NRXN3: variants seen among roughly 807,000 people sequenced by gnomAD.
The protein encoded by NRXN3 is neurexin 3, also known as neurexin III.
In NRXN3, 32 loss-of-function variants were observed where a neutral mutation model predicts 137.6. The observed-to-expected ratio is 0.23, with a 90% CI of 0.18 to 0.31. The LOEUF (loss-of-function observed/expected upper bound fraction) is 0.31, where lower values mean the gene tolerates loss of function less well. NRXN3 is among the 10% of genes least tolerant of loss of function. NRXN3 has a pLI of 1.00. For missense variants in NRXN3, 1,574 were observed against 2,062.5 expected, an observed-to-expected ratio of 0.76 and a Z score of 4.59; for synonymous variants, 798 against 784.5, an observed-to-expected ratio of 1.02 and a Z score of -0.29.
At chr14:78,832,336 T>A (rs2098984803) in intron 10 of NRXN3, among the ~76,000 whole-genome samples, 2 of 152,210 alleles carry the variant, frequency 1.3e-5, no homozygotes, top group Admixed American at 1.3e-4. Context: ...TTCCAGGTGT[T>A]ACTACTTAGC....
At chr14:78,464,906 C>T (rs79168980) in intron 4 of NRXN3, among the ~76,000 whole-genome samples, 11 of 152,152 alleles carry the variant, frequency 7.2e-5, no homozygotes, top group Non-Finnish European at 1.5e-4. Flanking sequence ...CTTACTTATC[C>T]ATTATCAAGG....
chr14:79,654,339 A>G (rs1443754223), intron 16 of NRXN3, among the ~76,000 whole-genome samples: 1 of 152,120 alleles, frequency 6.6e-6, no homozygotes, highest in Non-Finnish European at 1.5e-5. Flanking sequence ...TTAAAAAAAA[A>G]AACTTAAAAA....
intron 20 of NRXN3, among the ~76,000 whole-genome samples, chr14:79,814,404 T>C (rs555523097): frequency 1.3e-5 from 2 of 152,342 alleles, no homozygotes; most frequent in Non-Finnish European, 2.9e-5. Context: ...CTTTTAACCT[T>C]ACCCCTAGGG....
intron 17 of NRXN3, among the ~76,000 whole-genome samples, chr14:79,664,284 C>T (rs2098547811): frequency 6.6e-6 from 1 of 152,002 alleles, no homozygotes; most frequent in Non-Finnish European, 1.5e-5. Flanking sequence ...GAGCTAGTGT[C>T]GATAATCATA....
At chr14:79,443,295 A>C (rs920155725) in intron 15 of NRXN3, among the ~76,000 whole-genome samples, 1 of 152,188 alleles carries the variant, frequency 6.6e-6, no homozygotes, top group Non-Finnish European at 1.5e-5. Context: ...AAAAAGATAC[A>C]AACTTGTATG....
At chr14:79,568,632 T>A (rs1357119655) in intron 16 of NRXN3, among the ~76,000 whole-genome samples, 1 of 152,230 alleles carries the variant, frequency 6.6e-6, no homozygotes, top group Non-Finnish European at 1.5e-5. Flanking sequence ...AGACTCCTCC[T>A]GTGGCTTTTA....
intron 10 of NRXN3, among the ~76,000 whole-genome samples, chr14:78,892,635 T>C (rs1399968264): frequency 1.3e-5 from 2 of 151,270 alleles, no homozygotes. Context: ...TAAATCAGTC[T>C]TTTCTTCCTC....
intron 8 of NRXN3, among the ~76,000 whole-genome samples, chr14:78,800,764 T>C (rs1265894077): frequency 6.6e-6 from 1 of 152,236 alleles, no homozygotes; most frequent in Non-Finnish European, 1.5e-5. Flanking sequence ...TGACTCTTGT[T>C]TCTCCCTGTT....
intron 15 of NRXN3, among the ~76,000 whole-genome samples, chr14:79,208,176 G>T (rs897466955): frequency 6.6e-6 from 1 of 152,076 alleles, no homozygotes; most frequent in Non-Finnish European, 1.5e-5. Flanking sequence ...ATTGGAACCC[G>T]CAATTCAAAA....
intron 19 of NRXN3, among the ~76,000 whole-genome samples, chr14:79,794,655 G>A (rs574144675): frequency 1.3e-5 from 2 of 152,318 alleles, no homozygotes; most frequent in Admixed American, 6.5e-5. Flanking sequence ...ATAGAATCCG[G>A]AGAGAGGAAA....
chr14:79,713,478 G>GTA (rs76633474), intron 19 of NRXN3, among the ~76,000 whole-genome samples: 9,650 of 135,206 alleles, frequency 0.071, 540 homozygotes, highest in African/African-American at 0.17. Flanking sequence ...TATATATAAT[G>GTA]TATATATATA....
intron 2 of NRXN3, among the ~76,000 whole-genome samples, chr14:78,259,421 A>G (rs1275553363): frequency 6.6e-6 from 1 of 152,162 alleles, no homozygotes; most frequent in Non-Finnish European, 1.5e-5. Context: ...TGCTTTGGCT[A>G]AGTTTTTCTG....
chr14:79,778,586 GTTGT>G (rs936094644), intron 19 of NRXN3, among the ~76,000 whole-genome samples: 9 of 152,022 alleles, frequency 5.9e-5, no homozygotes, highest in South Asian at 2.1e-4. Flanking sequence ...GGAGTAGCAT[GTTGT>G]TTGTTTGTTT....
chr14:78,570,972 A>C (rs1156619987), intron 4 of NRXN3, among the ~76,000 whole-genome samples: 2 of 152,144 alleles, frequency 1.3e-5, no homozygotes, highest in African/African-American at 2.4e-5. Flanking sequence ...TGATGGTGGC[A>C]GGGGTGGGGA....
At chr14:79,202,387 A>AT (rs1334741353) in intron 15 of NRXN3, among the ~76,000 whole-genome samples, 1 of 151,794 alleles carries the variant, frequency 6.6e-6, no homozygotes, top group Non-Finnish European at 1.5e-5. Context: ...TATTAAGATT[A>AT]TTTTTTTCTG....
At chr14:78,498,957 T>C (rs1445227542) in intron 4 of NRXN3, among the ~76,000 whole-genome samples, 1 of 152,070 alleles carries the variant, frequency 6.6e-6, no homozygotes, top group African/African-American at 2.4e-5. Flanking sequence ...TTGGTCATGT[T>C]ACCTTGGGCA....
intron 17 of NRXN3, among the ~76,000 whole-genome samples, chr14:79,687,798 A>G (rs1567893430): frequency 6.6e-6 from 1 of 152,186 alleles, no homozygotes; most frequent in Non-Finnish European, 1.5e-5. Context: ...TAGCAGCAGT[A>G]TATCATCATT....
rs187896477 is a variant in NRXN3, at chr14:79,702,796, G to T, written c.4014+4859G>T. Among the ~76,000 whole-genome samples, 6 of 152,124 alleles carry T rather than the reference G, an allele frequency of 3.9e-5. No homozygotes were observed. The East Asian group carries it at 1.2e-3, about 29-fold the overall frequency. ...ATTGGTGGGTAATTATTATGGTGCT[G>T]ATAGGTCAGCTTCTAAAATAGAAAA... On this transcript the variant is annotated intron_variant, in intron 19 of 20. Coordinates refer to ENST00000335750, the MANE Select transcript of NRXN3 (RefSeq NM_001330195.2).
intron 8 of NRXN3, chr14:78,744,445 T>G (rs2098597772): frequency 6.6e-6 from 1 of 152,192 alleles, no homozygotes; most frequent in Non-Finnish European, 1.5e-5. Flanking sequence ...CCTGCAGTTT[T>G]GAGATACAGT....
Sources: allele counts gnomAD v4.1 joint callset (sites outside exome capture counted in the v4.1 genomes callset), GRCh38; gene constraint gnomAD v4.1.1; transcripts MANE v1.5; gene names NCBI Gene and HGNC (gene_info 2026-07-23, HGNC 2026-07-21).